CALCR: variants seen among roughly 807,000 people sequenced by gnomAD.
The protein encoded by CALCR is calcitonin receptor.
A neutral mutation model predicts 59.5 loss-of-function variants in CALCR; 47 were observed. The observed-to-expected ratio is 0.79, with a 90% CI of 0.63 to 1.01. CALCR has a LOEUF of 1.01. Ranked by LOEUF, CALCR falls within the 50% of genes least tolerant of loss-of-function variation. CALCR has a pLI of 0.00. For missense variants in CALCR, 566 were observed against 597.1 expected, an observed-to-expected ratio of 0.95 and a Z score of 0.54; for synonymous variants, 213 against 211.3, an observed-to-expected ratio of 1.01 and a Z score of -0.07.
intron 8 of CALCR, among the ~76,000 whole-genome samples, chr7:93,450,746 G>C (rs548700746): frequency 6.6e-6 from 1 of 152,032 alleles, no homozygotes; most frequent in East Asian, 1.9e-4. Flanking sequence ...AGGGTTTGTA[G>C]TTGTTATCTG....
intron 2 of CALCR, among the ~76,000 whole-genome samples, chr7:93,543,204 G>A (rs539918657): frequency 5.3e-5 from 8 of 152,180 alleles, no homozygotes; most frequent in African/African-American, 1.4e-4. Context: ...GTGTGCAGTC[G>A]CACGATCTCT....
intron 3 of CALCR, among the ~76,000 whole-genome samples, chr7:93,480,852 C>A (rs923475443): frequency 6.6e-6 from 1 of 151,776 alleles, no homozygotes; most frequent in African/African-American, 2.4e-5. Context: ...ATGGAGGGAC[C>A]TTTCCCACAA....
intron 7 of CALCR, among the ~76,000 whole-genome samples, chr7:93,465,901 T>C (rs926044919): frequency 6.6e-6 from 1 of 151,800 alleles, no homozygotes; most frequent in Non-Finnish European, 1.5e-5. Context: ...GCCTCTTGTA[T>C]GATCAGTGAC....
chr7:93,507,551 A>C (rs1801450390), intron 2 of CALCR, among the ~76,000 whole-genome samples: 1 of 150,866 alleles, frequency 6.6e-6, no homozygotes, highest in Non-Finnish European at 1.5e-5. Context: ...GAAACCAAAG[A>C]AACCTTTCCC....
chr7:93,454,338 T>G (rs1800165430), intron 8 of CALCR, among the ~76,000 whole-genome samples: 1 of 152,048 alleles, frequency 6.6e-6, no homozygotes, highest in African/African-American at 2.4e-5. Context: ...CATGTTGCTT[T>G]CCAGAACTTG....
rs200900623 is a variant in CALCR, at chr7:93,477,644, T to C, written c.230A>G (p.Asp77Gly). Reference protein sequence around the residue: ...GEGPYCNRTWDGWLCWDDTPA... With the variant: ...GEGPYCNRTWGGWLCWDDTPA... ...TGTGTCATCCCAGCACAGCCATCCA[T>C]CCCAGGTGCGATTGCAATATGGACC... is the stretch of plus-strand genomic sequence containing the variant. Residue 77 changes from aspartate (D) to glycine (G), a missense_variant, in exon 5 of 14, where the codon GAT (aspartate) becomes GGT (glycine). By Grantham distance (94) the Asp-to-Gly change is moderately conservative. Coordinates refer to ENST00000426151, the MANE Select transcript of CALCR (RefSeq NM_001742.4). 1.2e-6 allele frequency: 2 copies of C among 1,610,946 alleles called. No homozygotes were observed. Among genetic ancestry groups the C allele is most frequent in the South Asian group, 1.1e-5 (1 of 90,990 alleles).
chr7:93,460,662 A>G (rs1307899933), intron 8 of CALCR, among the ~76,000 whole-genome samples, 159 bp downstream of exon 8: 1 of 148,754 alleles, frequency 6.7e-6, no homozygotes, highest in African/African-American at 2.5e-5. Context: ...GAAACTACAT[A>G]GAAATGATAT....
chr7:93,531,936 T>C (rs1456227295), intron 2 of CALCR, among the ~76,000 whole-genome samples: 1 of 152,020 alleles, frequency 6.6e-6, no homozygotes, highest in Admixed American at 6.6e-5. Context: ...ATATACCAGA[T>C]AAATAAATTA....
At chr7:93,449,971 G>A (rs1800077742) in intron 8 of CALCR, among the ~76,000 whole-genome samples, 1 of 151,982 alleles carries the variant, frequency 6.6e-6, no homozygotes, top group Non-Finnish European at 1.5e-5. Flanking sequence ...TTGCGCTATG[G>A]TCTTCAGACT....
chr7:93,502,334 A>G (rs1273456303), intron 2 of CALCR, among the ~76,000 whole-genome samples: 1 of 152,182 alleles, frequency 6.6e-6, no homozygotes, highest in Non-Finnish European at 1.5e-5. Context: ...AGCGGCAGAG[A>G]CAGAACTTGA....
intron 8 of CALCR, among the ~76,000 whole-genome samples, chr7:93,445,202 T>TC (rs1280863380): frequency 6.6e-6 from 1 of 151,962 alleles, no homozygotes; most frequent in African/African-American, 2.4e-5. Context: ...CTGGCTTCCC[T>TC]CCCCGCCATC....
intron 2 of CALCR, among the ~76,000 whole-genome samples, chr7:93,494,402 T>G (rs1801153027): frequency 6.6e-6 from 1 of 151,382 alleles, no homozygotes; most frequent in African/African-American, 2.4e-5. Flanking sequence ...CACATGACAT[T>G]TACACATGTA....
intron 2 of CALCR, among the ~76,000 whole-genome samples, chr7:93,535,359 A>C (rs1466166382): frequency 6.6e-6 from 1 of 151,738 alleles, no homozygotes; most frequent in East Asian, 1.9e-4. Context: ...CACTAAAATA[A>C]TTACACCTAG....
At chr7:93,440,564 CA>C (rs1799880195) in intron 9 of CALCR, among the ~76,000 whole-genome samples, 1 of 110,662 alleles carries the variant, frequency 9.0e-6, no homozygotes, top group African/African-American at 3.4e-5. Flanking sequence ...TGTGTGTGTG[CA>C]TGTAGAAAGA....
rs1476576427 is a variant in CALCR at position 93,573,002 on chromosome 7, A to G, written c.-27+1287T>C. Among the ~76,000 whole-genome samples, 3 of 152,284 alleles carry G rather than the reference A, an allele frequency of 2.0e-5. No homozygotes were observed. The East Asian group carries it at 5.8e-4, about 29-fold the overall frequency. ...CAAATCCTGGCTGATGGATGTTTTG[A>G]GTTATGTTAAAATATTGAGTAGAAA... On this transcript the variant is annotated intron_variant, in intron 2 of 13. Transcript: ENST00000426151.
chr7:93,540,891 T>C (rs1789117435), intron 2 of CALCR, among the ~76,000 whole-genome samples: 1 of 151,596 alleles, frequency 6.6e-6, no homozygotes, highest in Non-Finnish European at 1.5e-5. Context: ...ATTCAGCATC[T>C]CTCTTTGCCC....
chr7:93,503,429 C>T (rs1801363546), intron 2 of CALCR, among the ~76,000 whole-genome samples: 3 of 151,628 alleles, frequency 2.0e-5, no homozygotes, highest in Admixed American at 1.3e-4. Flanking sequence ...CACACACATA[C>T]ACATACACAC....
intron 2 of CALCR, among the ~76,000 whole-genome samples, chr7:93,536,088 G>A (rs1251146141): frequency 6.6e-6 from 1 of 151,748 alleles, no homozygotes; most frequent in African/African-American, 2.4e-5. Context: ...CTACTGTCTT[G>A]GAGGAAAAGG....
intron 2 of CALCR, among the ~76,000 whole-genome samples, chr7:93,551,248 G>A (rs763209411): frequency 5.9e-5 from 9 of 152,106 alleles, no homozygotes; most frequent in Non-Finnish European, 1.0e-4. Context: ...TTAACACTGC[G>A]CCACCTTATG....
Sources: allele counts gnomAD v4.1 joint callset (sites outside exome capture counted in the v4.1 genomes callset), GRCh38; gene constraint gnomAD v4.1.1; transcripts MANE v1.5; gene names NCBI Gene and HGNC (gene_info 2026-07-23, HGNC 2026-07-21).